IMMP2L: variants seen among roughly 807,000 people sequenced by gnomAD.
The protein encoded by IMMP2L is mitochondrial inner membrane protease subunit 2.
IMMP2L carries 18 observed loss-of-function variants against 19.3 expected under a neutral mutation model. That is an observed-to-expected ratio of 0.93 (90% confidence interval 0.64 to 1.38). IMMP2L has a LOEUF of 1.38. IMMP2L is among the 40% of genes most tolerant of loss of function. The probability of loss-of-function intolerance (pLI) is 0.00; values close to 1 mark genes in which losing one functional copy is unlikely to be tolerated. For missense variants in IMMP2L, 233 were observed against 218.2 expected, an observed-to-expected ratio of 1.07 and a Z score of -0.43; for synonymous variants, 76 against 73.0, an observed-to-expected ratio of 1.04 and a Z score of -0.21.
At chr7:110,691,999 CTGCATACAAA>C (rs1793540172) in intron 5 of IMMP2L, among the ~76,000 whole-genome samples, 1 of 152,100 alleles carries the variant, frequency 6.6e-6, no homozygotes, top group Non-Finnish European at 1.5e-5. Context: ...AAAAAGACAT[CTGCATACAAA>C]TGTTTACCAC....
chr7:111,214,889 G>A (rs1000857995), intron 3 of IMMP2L, among the ~76,000 whole-genome samples: 3 of 151,600 alleles, frequency 2.0e-5, no homozygotes, highest in East Asian at 1.9e-4. Flanking sequence ...ACATACCAGC[G>A]CAGCAAAATT....
chr7:110,815,175 A>G (rs1802381768), intron 5 of IMMP2L, among the ~76,000 whole-genome samples: 1 of 152,120 alleles, frequency 6.6e-6, no homozygotes, highest in Non-Finnish European at 1.5e-5. Flanking sequence ...TTTAGCATGA[A>G]GCGCTGTTGA....
intron 3 of IMMP2L, among the ~76,000 whole-genome samples, chr7:111,121,023 A>T (rs887254940): frequency 2.6e-5 from 4 of 152,186 alleles, no homozygotes; most frequent in African/African-American, 7.2e-5. Flanking sequence ...TAATGAAAAT[A>T]TAACAAATAA....
intron 5 of IMMP2L, among the ~76,000 whole-genome samples, chr7:110,792,145 T>C (rs1314095894): frequency 6.6e-6 from 1 of 151,816 alleles, no homozygotes; most frequent in Non-Finnish European, 1.5e-5. Context: ...TGGTGGCTAT[T>C]GGGCACAGAG....
chr7:111,485,995 CA>C, intron 3 of IMMP2L, among the ~76,000 whole-genome samples: 1 of 151,966 alleles, frequency 6.6e-6, no homozygotes. Flanking sequence ...AAACCAAAGG[CA>C]AAAGAATAAT....
chr7:111,401,751 C>T (rs1401638064), intron 3 of IMMP2L, among the ~76,000 whole-genome samples: 3 of 152,058 alleles, frequency 2.0e-5, no homozygotes, highest in African/African-American at 4.8e-5. Flanking sequence ...TGCATAGCTA[C>T]GTTCAACATC....
At chr7:110,735,846 C>CAAAAAAAAAAA (rs59078426) in intron 5 of IMMP2L, among the ~76,000 whole-genome samples, 1 of 47,628 alleles carries the variant, frequency 2.1e-5, no homozygotes, top group Non-Finnish European at 3.7e-5. Context: ...CACTCTGCCT[C>CAAAAAAAAAAA]AAAAAAAAAA....
intron 5 of IMMP2L, among the ~76,000 whole-genome samples, chr7:110,752,472 T>C (rs2130925207): frequency 6.6e-6 from 1 of 152,202 alleles, no homozygotes; most frequent in Middle Eastern, 3.4e-3. Context: ...ATCTAATGAT[T>C]TTACTTGCTG....
At chr7:111,496,952 C>T (rs1453577552) in intron 2 of IMMP2L, among the ~76,000 whole-genome samples, 1 of 151,902 alleles carries the variant, frequency 6.6e-6, no homozygotes, top group African/African-American at 2.4e-5. Context: ...ATATCCTATT[C>T]GTTCTGTCTC....
Position 111,531,980 on chromosome 7 carries a change from A to C in IMMP2L, c.-2-10531T>G, listed in dbSNP as rs541970806. Among the ~76,000 whole-genome samples the C allele has an allele frequency of 5.3e-5, 8 of 152,262 alleles. No homozygotes were observed. In the East Asian group the frequency reaches 1.3e-3, roughly 26 times the overall value. ...AAAATTGGCTTTAAAAAAATTAAGA[A>C]GGCCTATAAATGGAAAAAGCACTCT... On this transcript the variant is annotated intron_variant, in intron 1 of 5. Coordinates refer to ENST00000405709, the MANE Select transcript of IMMP2L (RefSeq NM_032549.4).
Position 110,727,157 on chromosome 7 carries a change from G to A in IMMP2L, c.409-63436C>T, listed in dbSNP as rs1197885471. Among the ~76,000 whole-genome samples, 3 of 152,188 alleles carry A rather than the reference G, an allele frequency of 2.0e-5. No individual in the cohort carries two copies. The highest frequency in any genetic ancestry group is 6.5e-5 in the Admixed American group (1 of 15,278). On this transcript the variant is annotated intron_variant, in intron 5 of 5. Transcript: ENST00000405709. This position sits in a 1 kb window ranked among gnomAD's most constrained non-coding sequence, Gnocchi z 4.3. ...AATTCCAGAACTTTGAGAGGCTGAG[G>A]TGGGTGGATCACCTGAGGTCAGGAG...
intron 2 of IMMP2L, among the ~76,000 whole-genome samples, chr7:111,503,923 C>T (rs1232368233): frequency 6.6e-6 from 1 of 152,012 alleles, no homozygotes; most frequent in Non-Finnish European, 1.5e-5. Flanking sequence ...GACAGGGATG[C>T]CCTCTCTCAC....
At chr7:111,105,577 G>A (rs1453537941) in intron 3 of IMMP2L, among the ~76,000 whole-genome samples, 1 of 151,788 alleles carries the variant, frequency 6.6e-6, no homozygotes, top group African/African-American at 2.4e-5. Context: ...AGCTGGCTGG[G>A]GGGAAAACAC....
intron 4 of IMMP2L, among the ~76,000 whole-genome samples, chr7:110,935,600 T>C (rs944080225): frequency 1.3e-4 from 20 of 152,136 alleles, no homozygotes; most frequent in Middle Eastern, 3.2e-3. Flanking sequence ...GTTTTCCATC[T>C]TGGTTCCATT....
chr7:111,399,758 T>C (rs1833247487), intron 3 of IMMP2L, among the ~76,000 whole-genome samples: 1 of 152,176 alleles, frequency 6.6e-6, no homozygotes, highest in African/African-American at 2.4e-5. Context: ...AAACATGTAG[T>C]AGTATATCCT....
At chr7:111,329,142 A>G (rs1050750389) in intron 3 of IMMP2L, among the ~76,000 whole-genome samples, 2 of 151,820 alleles carry the variant, frequency 1.3e-5, no homozygotes, top group African/African-American at 4.8e-5. Context: ...CGAAACATTT[A>G]AGTTGCTGCA....
At chr7:111,382,387 GATCA>G (rs1831285590) in intron 3 of IMMP2L, among the ~76,000 whole-genome samples, 1 of 152,022 alleles carries the variant, frequency 6.6e-6, no homozygotes, top group Non-Finnish European at 1.5e-5. Flanking sequence ...GCAAGTCAGA[GATCA>G]CTGATGACCT....
intron 3 of IMMP2L, among the ~76,000 whole-genome samples, chr7:111,304,784 A>G (rs149660825): frequency 1.7e-4 from 26 of 151,506 alleles, no homozygotes; most frequent in Admixed American, 4.6e-4. Context: ...GATGACCCAC[A>G]TGTTACTTTA....
chr7:111,105,568 G>C (rs997843273), intron 3 of IMMP2L, among the ~76,000 whole-genome samples: 1 of 151,828 alleles, frequency 6.6e-6, no homozygotes, highest in Non-Finnish European at 1.5e-5. Flanking sequence ...ATGCAATTTA[G>C]CTGGCTGGGG....
Sources: allele counts gnomAD v4.1 joint callset (sites outside exome capture counted in the v4.1 genomes callset), GRCh38; gene constraint gnomAD v4.1.1; non-coding constraint Gnocchi (gnomAD v3.1); transcripts MANE v1.5; gene names NCBI Gene and HGNC (gene_info 2026-07-23, HGNC 2026-07-21).